The following LPGAT1 variants were observed in gnomAD, a reference collection of about 807,000 sequenced individuals.
LPGAT1 encodes the protein lysophosphatidylglycerol acyltransferase 1.
LPGAT1 carries 11 observed loss-of-function variants against 47.5 expected under a neutral mutation model. The ratio of observed to expected loss-of-function variants is 0.23; its 90% CI spans 0.15 to 0.38. The LOEUF (loss-of-function observed/expected upper bound fraction) is 0.38. Among genes scored for constraint, LPGAT1 ranks in the 10% least tolerant of loss-of-function variants. LPGAT1 has a pLI of 1.00. For synonymous variants in LPGAT1, 138 were observed against 144.2 expected (o/e 0.96, Z 0.31); for missense variants, 293 against 439.0 (o/e 0.67, Z 2.97).
chr1:211,792,974 T>A, intron 3 of LPGAT1, 98 bp downstream of exon 3: 1 of 737,480 alleles, frequency 1.4e-6, no homozygotes. Context: ...CCTCCCAAAG[T>A]GCTGGGATTA....
rs181798911 is a variant in LPGAT1 at position 211,793,238 on chromosome 1, A to T, written c.239-48T>A. On this transcript the variant is annotated intron_variant, in intron 2 of 7. Coordinates refer to ENST00000366997, the MANE Select transcript of LPGAT1 (RefSeq NM_014873.3). ...AAGCTGTCATTTTAAAGATTTTTATATTATCACAAACCTTATATTAGAAAA... is the reference window on the plus strand; with the variant it reads ...AAGCTGTCATTTTAAAGATTTTTATTTTATCACAAACCTTATATTAGAAAA... 6.4e-5 allele frequency: 78 copies of T among 1,217,342 alleles called. No individual in the cohort carries two copies. In the African/African-American group the frequency reaches 7.5e-4, roughly 12 times the overall value. The allele number at this position is 1,217,342 out of a possible 1,614,324, so 75.4% of individuals were successfully genotyped here. A position where few individuals can be genotyped will look rare whatever the true frequency, so the allele number is the denominator to read the frequency against.
chr1:211,823,700 G>A (rs953772974), intron 2 of LPGAT1, among the ~76,000 whole-genome samples: 5 of 152,126 alleles, frequency 3.3e-5, no homozygotes, highest in African/African-American at 1.2e-4. Flanking sequence ...CATTTTCAGA[G>A]GTCAAGGAAG....
chr1:211,753,713 G>C (rs1224128694), intron 6 of LPGAT1, among the ~76,000 whole-genome samples: 3 of 152,186 alleles, frequency 2.0e-5, no homozygotes, highest in East Asian at 3.9e-4. Context: ...GCCCTGTATA[G>C]TCTGGTCCTC....
chr1:211,809,252 T>G (rs756136637), intron 2 of LPGAT1, among the ~76,000 whole-genome samples: 3 of 152,002 alleles, frequency 2.0e-5, no homozygotes, highest in Non-Finnish European at 2.9e-5. Flanking sequence ...TAGCTAAGAC[T>G]TCACATCTTA....
At chr1:211,780,064 C>T (rs762696602) in intron 5 of LPGAT1, among the ~76,000 whole-genome samples, 15 of 151,578 alleles carry the variant, frequency 9.9e-5, no homozygotes, top group Non-Finnish European at 1.9e-4. Flanking sequence ...GTAATCCCAG[C>T]TACTCGGGAG....
chr1:211,825,236 G>A (rs35094584), intron 2 of LPGAT1, among the ~76,000 whole-genome samples: 1 of 113,716 alleles, frequency 8.8e-6, no homozygotes, highest in Non-Finnish European at 1.7e-5. Flanking sequence ...CTGTCGCCCA[G>A]ATTGGAGTGC....
Position 211,830,108 on chromosome 1 carries a change from C to A in LPGAT1, c.-28+465G>T. The A allele has an allele frequency of 1.0e-6, 1 of 984,494 alleles. No individual in the cohort carries two copies. Among genetic ancestry groups the A allele is most frequent in the Non-Finnish European group, 1.2e-6 (1 of 829,672 alleles). The allele number at this position is 984,494 out of a possible 1,614,324, so 61.0% of individuals were successfully genotyped here. A position where few individuals can be genotyped will look rare whatever the true frequency, so the allele number is the denominator to read the frequency against. On this transcript the variant is annotated intron_variant, in intron 1 of 7. Coordinates refer to ENST00000366997, the MANE Select transcript of LPGAT1 (RefSeq NM_014873.3). This position sits in a 1 kb window ranked among gnomAD's most constrained non-coding sequence, Gnocchi z 5.9. Reference sequence around the variant, plus strand: ...GAAGAGGCGACCGCAGCGCGGGGAGCCGGTGGAGCCTGCAGCGGTTTCCGC... The same window carrying A: ...GAAGAGGCGACCGCAGCGCGGGGAGACGGTGGAGCCTGCAGCGGTTTCCGC...
At chr1:211,829,634 T>TTGATA in intron 1 of LPGAT1, 2 of 1,117,028 alleles carry the variant, frequency 1.8e-6, no homozygotes, top group Non-Finnish European at 2.2e-6. Context: ...CGGTCGTCTA[T>TTGATA]TGGACTTAGA....
intron 5 of LPGAT1, 23 bp from the exon 6 acceptor site, chr1:211,779,067 T>G (rs762347695): frequency 3.2e-6 from 5 of 1,548,276 alleles, no homozygotes; most frequent in Non-Finnish European, 4.3e-6. Flanking sequence ...AAAAAAAGAC[T>G]TAAAATTAAA....
At position 211,829,877 on chromosome 1, in the gene LPGAT1, T is replaced by TC. The variant is rs564256157; in HGVS notation, c.-27-555_-27-554insG. 132 of 984,400 alleles carry TC rather than the reference T, an allele frequency of 1.3e-4. 1 individual carries two copies. The East Asian group carries it at 0.012, about 89-fold the overall frequency. 61.0% of individuals were successfully genotyped at this position (984,400 alleles called of 1,614,324 possible). A position where few individuals can be genotyped will look rare whatever the true frequency, so the allele number is the denominator to read the frequency against. On this transcript the variant is annotated intron_variant, in intron 1 of 7. Coordinates refer to ENST00000366997, the MANE Select transcript of LPGAT1 (RefSeq NM_014873.3). ...ATAGGGTTTTTGTTTCCCTTTTTTTTTTAAGAAAAAAAATGGGGGGCCTAG... is the reference window on the plus strand; with the variant it reads ...ATAGGGTTTTTGTTTCCCTTTTTTTTCTTAAGAAAAAAAATGGGGGGCCTAG...
At chr1:211,796,778 C>T (rs551670267) in intron 2 of LPGAT1, among the ~76,000 whole-genome samples, 18 of 152,186 alleles carry the variant, frequency 1.2e-4, no homozygotes, top group African/African-American at 4.1e-4. Context: ...TATATATAAT[C>T]TAACATTATG....
At chr1:211,772,282 T>C (rs999872284) in intron 6 of LPGAT1, among the ~76,000 whole-genome samples, 3 of 152,204 alleles carry the variant, frequency 2.0e-5, no homozygotes, top group African/African-American at 7.2e-5. Flanking sequence ...AATCTCTCCA[T>C]TGATGTGGAC....
intron 6 of LPGAT1, among the ~76,000 whole-genome samples, chr1:211,767,216 G>T (rs923466077): frequency 1.3e-5 from 2 of 152,158 alleles, no homozygotes; most frequent in Non-Finnish European, 2.9e-5. Context: ...TTGGCTCACT[G>T]CAACCTCTGC....
rs139981849 is a variant in LPGAT1 at position 211,776,634 on chromosome 1, C to T, written c.854+2284G>A. ...AATGAGGGCTGCTTTATTTATTTATCTTTTTAAGTCTGCTAAGATGAAAAC... is the reference window on the plus strand; with the variant it reads ...AATGAGGGCTGCTTTATTTATTTATTTTTTTAAGTCTGCTAAGATGAAAAC... On this transcript the variant is annotated intron_variant, in intron 6 of 7. Coordinates refer to ENST00000366997, the MANE Select transcript of LPGAT1 (RefSeq NM_014873.3). Among the ~76,000 whole-genome samples, 128 of 151,834 alleles carry T rather than the reference C, an allele frequency of 8.4e-4. 1 individual carries two copies. The highest frequency in any genetic ancestry group is 3.0e-3 in the African/African-American group (123 of 41,394).
At chr1:211,774,955 T>G (rs988558399) in intron 6 of LPGAT1, among the ~76,000 whole-genome samples, 1 of 152,214 alleles carries the variant, frequency 6.6e-6, no homozygotes, top group Non-Finnish European at 1.5e-5. Flanking sequence ...CTTTTTCTAC[T>G]TAAATAATTT....
chr1:211,780,265 G>A (rs926506017), intron 5 of LPGAT1, among the ~76,000 whole-genome samples: 1 of 152,182 alleles, frequency 6.6e-6, no homozygotes, highest in Non-Finnish European at 1.5e-5. Flanking sequence ...TACACAGAAA[G>A]CAATAAAGCT....
At chr1:211,765,042 C>T (rs1657850175) in intron 6 of LPGAT1, among the ~76,000 whole-genome samples, 1 of 152,176 alleles carries the variant, frequency 6.6e-6, no homozygotes, top group African/African-American at 2.4e-5. Context: ...CTTTGAGACA[C>T]ACAGTAAGAT....
rs577772465 is a variant in LPGAT1 at position 211,819,510 on chromosome 1, C to A, written c.238+9549G>T. The stretch of plus-strand genomic sequence containing the variant: ...CTGTCTCCAACAACAACAAAAAAAA[C>A]CAAAAAATTTAAATCTAAAAAATAA... On this transcript the variant is annotated intron_variant, in intron 2 of 7. Coordinates refer to ENST00000366997, the MANE Select transcript of LPGAT1 (RefSeq NM_014873.3). Among the ~76,000 whole-genome samples the A allele has an allele frequency of 1.0e-3, 152 of 151,870 alleles. 1 individual carries two copies. Among genetic ancestry groups the A allele is most frequent in the African/African-American group, 2.8e-3 (115 of 41,422 alleles).
intron 6 of LPGAT1, among the ~76,000 whole-genome samples, chr1:211,776,209 A>T (rs1265802339): frequency 6.6e-6 from 1 of 152,194 alleles, no homozygotes; most frequent in Non-Finnish European, 1.5e-5. Flanking sequence ...AGGATGGATT[A>T]ACTACTTTCT....
Sources: gnomAD v4.1 joint callset for allele counts (sites outside exome capture counted in the v4.1 genomes callset) on GRCh38, gnomAD v4.1.1 for gene constraint, Gnocchi (gnomAD v3.1) non-coding constraint, MANE v1.5 for transcripts, NCBI Gene and HGNC (gene_info 2026-07-23, HGNC 2026-07-21) for gene names.